Variants in MCF2L observed in about 807,000 individuals in gnomAD.
MCF2L encodes MCF.2 cell line derived transforming sequence like, also known as guanine nucleotide exchange factor DBS.
MCF2L carries 97 observed loss-of-function variants against 153.4 expected under a neutral mutation model. That is an observed-to-expected ratio of 0.63 (90% CI 0.54 to 0.75). The LOEUF is 0.75. Ranked by LOEUF, MCF2L falls within the 30% of genes least tolerant of loss-of-function variation. The probability of loss-of-function intolerance (pLI) is 0.00; values close to 1 mark genes in which losing one functional copy is unlikely to be tolerated. For missense variants in MCF2L, 1,347 were observed against 1,495.2 expected (o/e 0.90, Z 1.64); for synonymous variants, 659 against 632.2 (o/e 1.04, Z -0.64).
intron 2 of MCF2L, among the ~76,000 whole-genome samples, chr13:112,928,215 G>A (rs372150764): frequency 3.2e-4 from 48 of 152,324 alleles, no homozygotes; most frequent in East Asian, 3.1e-3. Context: ...CGGGTGAAAC[G>A]CGGCCGGCCG....
At position 113,064,258 on chromosome 13, in the gene MCF2L, C is replaced by G. The variant is rs1177923343; in HGVS notation, c.490-46C>G. 5.7e-6 allele frequency: 8 copies of G among 1,395,644 alleles called. No homozygotes were observed. Among genetic ancestry groups the G allele is most frequent in the Admixed American group, 1.7e-5 (1 of 59,718 alleles). The allele number at this position is 1,395,644 out of a possible 1,614,324, so 86.5% of individuals were successfully genotyped here. A position where few individuals can be genotyped will look rare whatever the true frequency, so the allele number is the denominator to read the frequency against. On this transcript the variant is annotated intron_variant, in intron 5 of 29. Coordinates refer to ENST00000535094, the MANE Select transcript of MCF2L (RefSeq NM_001112732.3). This position sits in a 1 kb window ranked among gnomAD's most constrained non-coding sequence, Gnocchi z 6.0. ...GCTGATGGGGCAGCTCTTTTGGGAG[C>G]CAACAATAATCCCAAACACTACCAC...
chr13:112,945,699 G>A (rs2081629952), intron 2 of MCF2L, among the ~76,000 whole-genome samples: 1 of 152,216 alleles, frequency 6.6e-6, no homozygotes, highest in Non-Finnish European at 1.5e-5. Flanking sequence ...GAAATGGGAT[G>A]GCATCTTGCA....
At position 112,943,316 on chromosome 13, in the gene MCF2L, G is replaced by T. The variant is rs537577248; in HGVS notation, c.169+40945G>T. On this transcript the variant is annotated intron_variant, in intron 2 of 29. Transcript: ENST00000375608. The surrounding 1 kb of genome is among the most constrained non-coding windows in gnomAD (Gnocchi z 4.2). Reference sequence around the variant, plus strand: ...CCACTCCCGAGGCTGTGGTTGGGGGGTCGCGGTCGAGCTCTAGGGCCCCCG... The same window carrying T: ...CCACTCCCGAGGCTGTGGTTGGGGGTTCGCGGTCGAGCTCTAGGGCCCCCG... Among the ~76,000 whole-genome samples the T allele has an allele frequency of 5.1e-3, 776 of 152,316 alleles. 2 individuals are homozygous for T. Among genetic ancestry groups the T allele is most frequent in the Non-Finnish European group, 8.2e-3 (559 of 68,004 alleles).
chr13:113,052,975 GAC>G (rs532893309), intron 4 of MCF2L, among the ~76,000 whole-genome samples: 3 of 151,944 alleles, frequency 2.0e-5, no homozygotes, highest in South Asian at 4.2e-4. Flanking sequence ...CAGGCACAGA[GAC>G]ACACATCACA....
At position 113,088,336 on chromosome 13, in the gene MCF2L, C is replaced by T; in HGVS notation, c.2698C>T (p.Pro900Ser). 6.2e-7 allele frequency: 1 copy of T among 1,614,040 alleles called. No individual in the cohort carries two copies. The highest frequency in any genetic ancestry group is 8.5e-7 in the Non-Finnish European group (1 of 1,180,032). Residue 900 changes from proline (P) to serine (S), a missense_variant, in exon 24 of 30, where the codon CCT becomes TCT. By Grantham distance (74) the Pro-to-Ser change is moderately conservative. Transcript: ENST00000535094. Reference protein sequence around the residue: ...EEVYIVQAPTPEIKAAWVNEI... With the variant: ...EEVYIVQAPTSEIKAAWVNEI... ...TCTTTTGGGGAAACAGGCGCCAACT[C>T]CTGAGATTAAAGCCGCGTGGGTGAA...
At chr13:113,003,068 TG>T (rs1566717171) in intron 1 of MCF2L, among the ~76,000 whole-genome samples, 1 of 150,656 alleles carries the variant, frequency 6.6e-6, no homozygotes, top group Non-Finnish European at 1.5e-5. Context: ...CCCAGCCACC[TG>T]GGGGGCTGAG....
chr13:112,933,047 T>C (rs575316986), intron 2 of MCF2L, among the ~76,000 whole-genome samples: 2 of 151,332 alleles, frequency 1.3e-5, no homozygotes, highest in African/African-American at 4.9e-5. Flanking sequence ...AATAAATAAA[T>C]AAATAAATAA....
At position 113,078,394 on chromosome 13, in the gene MCF2L, C is replaced by T. The variant is rs760474026; in HGVS notation, c.1692C>T (p.Ser564=). 9.1e-5 allele frequency: 147 copies of T among 1,613,114 alleles called. No homozygotes were observed. In the South Asian group the frequency reaches 1.5e-3, roughly 16 times the overall value. Residue 564 remains serine, a synonymous_variant, in exon 14 of 30, where the codon TCC becomes TCT. Transcript: ENST00000535094. ...GIRRGSENSS[S]EGGALRRGPY... is the part of the protein sequence containing the mutation. ...GGCGAGGCTCTGAGAACTCCAGCTC[C>T]GAGGGCGGTGCGCTCCGGAGAGGGC...
At chr13:113,014,698 G>T in intron 1 of MCF2L, 65 bp from the exon 2 acceptor site, 1 of 1,396,154 alleles carries the variant, frequency 7.2e-7, no homozygotes, top group Non-Finnish European at 1.0e-6. Flanking sequence ...GTGGGATCGG[G>T]TGGGCGCTTG....
At chr13:112,964,483 T>A (rs1035067047), upstream of MCF2L, among the ~76,000 whole-genome samples, 1 of 152,240 alleles carries the variant, frequency 6.6e-6, no homozygotes, top group Admixed American at 6.5e-5. Flanking sequence ...CATGTTACCA[T>A]AACACGGCAC....
At chr13:112,897,910 G>A (rs9603798) in intron 1 of MCF2L, among the ~76,000 whole-genome samples, 58,304 of 151,960 alleles carry the variant, frequency 0.38, 12,253 homozygotes, top group African/African-American at 0.57. Flanking sequence ...CTCTGTGCCA[G>A]GGCCCAGCTG....
At chr13:112,968,711 G>A (rs1295140845), upstream of MCF2L, 8 of 1,397,468 alleles carry the variant, frequency 5.7e-6, no homozygotes, top group African/African-American at 4.6e-5. Flanking sequence ...CGGGGCGGCC[G>A]GAGGTAAAGG....
chr13:113,089,853 C>T, intron 26 of MCF2L, 125 bp downstream of exon 26: 1 of 1,612,454 alleles, frequency 6.2e-7, no homozygotes, highest in South Asian at 1.1e-5. Context: ...GCATTCAGGG[C>T]CCCTTGCTCC....
Position 113,013,179 on chromosome 13 carries a change from G to A in MCF2L, c.80-1584G>A, listed in dbSNP as rs537178390. 2.6e-5 allele frequency among the ~76,000 whole-genome samples: 4 copies of A among 152,078 alleles called. No individual in the cohort carries two copies. In the East Asian group the frequency reaches 5.8e-4, roughly 22 times the overall value. Reference sequence around the variant, plus strand: ...CCAGACACACATTCCAGAGAGGTGTGCACCAGTGGAAGTCACCTTGCCAGG... The same window carrying A: ...CCAGACACACATTCCAGAGAGGTGTACACCAGTGGAAGTCACCTTGCCAGG... On this transcript the variant is annotated intron_variant, in intron 1 of 29. Coordinates refer to ENST00000535094, the MANE Select transcript of MCF2L (RefSeq NM_001112732.3).
chr13:112,968,948 T>C, upstream of MCF2L: 1 of 469,564 alleles, frequency 2.1e-6, no homozygotes. Flanking sequence ...TGTGATACAC[T>C]AGGTGACCTA....
At chr13:112,964,782 G>C (rs1420334988), upstream of MCF2L, 2 of 152,234 alleles carry the variant, frequency 1.3e-5, no homozygotes, top group African/African-American at 2.4e-5. Flanking sequence ...AATAGACATT[G>C]CTGTTACAAT....
intron 3 of MCF2L, among the ~76,000 whole-genome samples, chr13:113,041,934 C>T (rs923513534): frequency 4.6e-5 from 7 of 152,162 alleles, no homozygotes; most frequent in East Asian, 1.9e-4. Context: ...GTGCTCACAG[C>T]TATGTGACTT....
intron 4 of MCF2L, among the ~76,000 whole-genome samples, chr13:113,050,886 C>T (rs960461153): frequency 6.6e-5 from 10 of 151,338 alleles, no homozygotes; most frequent in Middle Eastern, 3.2e-3. Context: ...TGGAGGGGGG[C>T]GAGGAGCTTC....
Position 113,031,066 on chromosome 13 carries a change from G to C in MCF2L, c.278+6308G>C, listed in dbSNP as rs28401519. ...AGAGACAGACAGATACAGACAGAGAGACAGAGACAGACAGATACAGACAGA... is the reference window on the plus strand; with the variant it reads ...AGAGACAGACAGATACAGACAGAGACACAGAGACAGACAGATACAGACAGA... On this transcript the variant is annotated intron_variant, in intron 3 of 29. Transcript: ENST00000535094. This position sits in a 1 kb window ranked among gnomAD's most constrained non-coding sequence, Gnocchi z 5.5. 1.5e-5 allele frequency among the ~76,000 whole-genome samples: 2 copies of C among 130,388 alleles called. No individual in the cohort carries two copies. Among genetic ancestry groups the C allele is most frequent in the Admixed American group, 1.5e-4 (2 of 13,236 alleles). The allele number at this position is 130,388 out of a possible 152,430, so 85.5% of individuals were successfully genotyped here. A position where few individuals can be genotyped will look rare whatever the true frequency, so the allele number is the denominator to read the frequency against.
Sources: allele counts gnomAD v4.1 joint callset (sites outside exome capture counted in the v4.1 genomes callset), GRCh38; gene constraint gnomAD v4.1.1; non-coding constraint Gnocchi (gnomAD v3.1); transcripts MANE v1.5; gene names NCBI Gene and HGNC (gene_info 2026-07-23, HGNC 2026-07-21).